Variants in AGBL4 observed in about 807,000 individuals in gnomAD.
The protein encoded by AGBL4 is cytosolic carboxypeptidase 6.
In AGBL4, 58 loss-of-function variants were observed where a neutral mutation model predicts 66.4. That is an observed-to-expected ratio of 0.87 (90% confidence interval 0.71 to 1.09). The LOEUF is 1.09. AGBL4 is among the 50% of genes least tolerant of loss of function. AGBL4 has a pLI of 0.00. For missense variants in AGBL4, 579 were observed against 631.0 expected, an observed-to-expected ratio of 0.92 and a Z score of 0.88; for synonymous variants, 234 against 222.9, an observed-to-expected ratio of 1.05 and a Z score of -0.44.
chr1:49,096,093 C>T (rs1645095177), intron 4 of AGBL4, among the ~76,000 whole-genome samples: 2 of 151,934 alleles, frequency 1.3e-5, no homozygotes, highest in Admixed American at 1.3e-4. Flanking sequence ...AAAAAATGCT[C>T]ATCATCACTG....
At chr1:49,739,440 G>A (rs555956486) in intron 2 of AGBL4, among the ~76,000 whole-genome samples, 132 of 152,300 alleles carry the variant, frequency 8.7e-4, no homozygotes, top group African/African-American at 3.1e-3. Flanking sequence ...TGGTGTACCT[G>A]AAAGTGACGG....
chr1:48,679,069 A>G (rs756150661), intron 6 of AGBL4, among the ~76,000 whole-genome samples: 2 of 152,152 alleles, frequency 1.3e-5, no homozygotes, highest in Non-Finnish European at 2.9e-5. Context: ...GTGCTCACTG[A>G]GTTGATTGAG....
chr1:49,632,830 G>C (rs1031270251), intron 3 of AGBL4, among the ~76,000 whole-genome samples: 43 of 77,642 alleles, frequency 5.5e-4, no homozygotes, highest in African/African-American at 2.6e-3. Flanking sequence ...GGCCACACTA[G>C]AACAGTGTGC....
intron 5 of AGBL4, among the ~76,000 whole-genome samples, chr1:48,958,285 T>C (rs1657661757): frequency 6.6e-6 from 1 of 152,202 alleles, no homozygotes; most frequent in Non-Finnish European, 1.5e-5. Flanking sequence ...CCTTTCCCTG[T>C]GAATGCCTTT....
At chr1:49,644,764 T>C (rs1468686814) in intron 3 of AGBL4, among the ~76,000 whole-genome samples, 1 of 151,536 alleles carries the variant, frequency 6.6e-6, no homozygotes, top group Non-Finnish European at 1.5e-5. Flanking sequence ...ATCTACCAAC[T>C]TGACTCAATT....
chr1:49,276,827 TG>T (rs1644177462), intron 3 of AGBL4, among the ~76,000 whole-genome samples: 1 of 152,126 alleles, frequency 6.6e-6, no homozygotes, highest in Admixed American at 6.6e-5. Context: ...TGCACCCCAC[TG>T]GGGGTTGGGG....
At chr1:48,759,051 G>A in intron 6 of AGBL4, 1 of 1,613,874 alleles carries the variant, frequency 6.2e-7, no homozygotes, top group Non-Finnish European at 8.5e-7. Context: ...GCTGGAGGTG[G>A]CGCATCTCTT....
At chr1:49,662,945 C>G (rs1400556760) in intron 3 of AGBL4, among the ~76,000 whole-genome samples, 1 of 152,060 alleles carries the variant, frequency 6.6e-6, no homozygotes, top group Non-Finnish European at 1.5e-5. Context: ...TATAAATGGA[C>G]AGTAAGCAGG....
In AGBL4 at chr1:48,653,471, C is replaced by T. The variant is rs759328258; in HGVS notation, c.725-20G>A. The T allele has an allele frequency of 2.1e-5, 32 of 1,493,328 alleles. 1 individual carries two copies. The South Asian group carries it at 3.1e-4, about 14-fold the overall frequency. 92.5% of individuals were successfully genotyped at this position (1,493,328 alleles called of 1,614,324 possible). A position where few individuals can be genotyped will look rare whatever the true frequency, so the allele number is the denominator to read the frequency against. ...TGATCCCTAGGGAAAGAGAAGAGCC[C>T]GGTTTAACAACAAAGCATTTCAAGA... is the stretch of plus-strand genomic sequence containing the variant. On this transcript the variant is annotated intron_variant, in intron 7 of 13. Coordinates refer to ENST00000371839, the MANE Select transcript of AGBL4 (RefSeq NM_032785.4).
chr1:49,710,888 A>C (rs1167481845), intron 2 of AGBL4, among the ~76,000 whole-genome samples: 1 of 151,788 alleles, frequency 6.6e-6, no homozygotes, highest in African/African-American at 2.4e-5. Context: ...GAAGCAAAAA[A>C]TTAAATTAAA....
intron 1 of AGBL4, among the ~76,000 whole-genome samples, chr1:49,983,379 C>A (rs1659235910): frequency 6.6e-6 from 1 of 152,266 alleles, no homozygotes; most frequent in African/African-American, 2.4e-5. Context: ...AGAGAGCCAG[C>A]ACCTTGTGCT....
At chr1:48,643,783 CAGAG>C (rs56131521) in intron 8 of AGBL4, among the ~76,000 whole-genome samples, 72,486 of 151,396 alleles carry the variant, frequency 0.48, 19,055 homozygotes, top group Middle Eastern at 0.65. Flanking sequence ...GGAAAAGAAG[CAGAG>C]CCCGTTTGGG....
At chr1:48,930,039 C>G (rs1204672830) in intron 5 of AGBL4, among the ~76,000 whole-genome samples, 2 of 152,056 alleles carry the variant, frequency 1.3e-5, no homozygotes, top group African/African-American at 4.8e-5. Context: ...TCATCTAGCC[C>G]TCGTTTTTCT....
chr1:49,818,603 G>C (rs1645289491), intron 2 of AGBL4, among the ~76,000 whole-genome samples: 2 of 152,008 alleles, frequency 1.3e-5, no homozygotes, highest in African/African-American at 4.8e-5. Flanking sequence ...CTGGGCTCAG[G>C]TGATCCTCCT....
intron 4 of AGBL4, among the ~76,000 whole-genome samples, chr1:49,118,010 G>A (rs1416258942): frequency 6.6e-6 from 1 of 151,964 alleles, no homozygotes; most frequent in Admixed American, 6.6e-5. Context: ...CTCATGATTT[G>A]GCTCTCTGTC....
At chr1:48,770,267 TC>T (rs1271359457) in intron 6 of AGBL4, among the ~76,000 whole-genome samples, 1 of 152,192 alleles carries the variant, frequency 6.6e-6, no homozygotes, top group Admixed American at 6.5e-5. Flanking sequence ...AGCTGTCCTA[TC>T]CTATGTCTGA....
At chr1:49,177,104 G>A (rs906684889) in intron 4 of AGBL4, among the ~76,000 whole-genome samples, 2 of 152,022 alleles carry the variant, frequency 1.3e-5, no homozygotes, top group Non-Finnish European at 2.9e-5. Context: ...AAGACACATG[G>A]TACAGCAGGA....
intron 3 of AGBL4, among the ~76,000 whole-genome samples, chr1:49,425,831 G>A (rs1267805534): frequency 1.3e-5 from 2 of 152,158 alleles, no homozygotes; most frequent in Non-Finnish European, 2.9e-5. Flanking sequence ...AAAGTGCATG[G>A]TACAGTACAT....
intron 9 of AGBL4, among the ~76,000 whole-genome samples, chr1:48,608,770 T>A (rs2148376420): frequency 6.6e-6 from 1 of 152,092 alleles, no homozygotes; most frequent in East Asian, 1.9e-4. Flanking sequence ...AACTCCCTCT[T>A]TCACCAGATA....
Sources: gnomAD v4.1 joint callset for allele counts (sites outside exome capture counted in the v4.1 genomes callset) on GRCh38, gnomAD v4.1.1 for gene constraint, MANE v1.5 for transcripts, NCBI Gene and HGNC (gene_info 2026-07-23, HGNC 2026-07-21) for gene names.